Variants in UQCC1 observed in about 807,000 individuals in gnomAD.
UQCC1 encodes the protein ubiquinol-cytochrome c reductase complex assembly factor 1.
UQCC1 carries 38 observed loss-of-function variants against 48.0 expected under a neutral mutation model. The observed-to-expected ratio is 0.79, with a 90% CI of 0.61 to 1.04. The LOEUF (loss-of-function observed/expected upper bound fraction) is 1.04, where lower values mean the gene tolerates loss of function less well. Among genes scored for constraint, UQCC1 ranks in the 50% least tolerant of loss-of-function variants. UQCC1 has a pLI of 0.00. For missense variants in UQCC1, 368 were observed against 381.8 expected, an observed-to-expected ratio of 0.96 and a Z score of 0.30; for synonymous variants, 111 against 129.2, an observed-to-expected ratio of 0.86 and a Z score of 0.95.
chr20:35,351,644 T>C (rs1452192236), intron 6 of UQCC1, among the ~76,000 whole-genome samples: 1 of 152,226 alleles, frequency 6.6e-6, no homozygotes. Flanking sequence ...AGTGAGGTAA[T>C]GGAATTCTTC....
At chr20:35,381,011 A>C (rs763719185) in intron 4 of UQCC1, among the ~76,000 whole-genome samples, 1 of 152,182 alleles carries the variant, frequency 6.6e-6, no homozygotes, top group Non-Finnish European at 1.5e-5. Flanking sequence ...TCTAGGAGAT[A>C]AGTGGGCTGA....
intron 1 of UQCC1, among the ~76,000 whole-genome samples, chr20:35,401,495 C>T (rs1183410161): frequency 6.6e-6 from 1 of 152,158 alleles, no homozygotes; most frequent in Admixed American, 6.5e-5. Context: ...GGAACACACA[C>T]ATTGGCAGCT....
At chr20:35,310,382 C>A (rs2060976085) in intron 8 of UQCC1, among the ~76,000 whole-genome samples, 1 of 152,002 alleles carries the variant, frequency 6.6e-6, no homozygotes. Context: ...TGGTGGCTCA[C>A]GCCTGTAATC....
Position 35,397,986 on chromosome 20 carries a change from C to T in UQCC1, c.25-3790G>A, listed in dbSNP as rs1368796658. Among the ~76,000 whole-genome samples, 4 of 152,214 alleles carry T rather than the reference C, an allele frequency of 2.6e-5. No homozygotes were observed. The East Asian group carries it at 7.7e-4, about 29-fold the overall frequency. ...CATATATGAACTCATTTAAACTTCA[C>T]AATCACCACTCATGTAGGTATATCA... On this transcript the variant is annotated intron_variant, in intron 1 of 9. Transcript: ENST00000374385.
intron 4 of UQCC1, among the ~76,000 whole-genome samples, chr20:35,374,839 T>C (rs2061777841): frequency 6.6e-6 from 1 of 152,148 alleles, no homozygotes; most frequent in African/African-American, 2.4e-5. Flanking sequence ...CTTTTACTAT[T>C]CCCAAAGCAC....
chr20:35,327,124 C>T (rs1036790616), intron 7 of UQCC1, among the ~76,000 whole-genome samples: 1 of 152,228 alleles, frequency 6.6e-6, no homozygotes, highest in African/African-American at 2.4e-5. Flanking sequence ...CCTGACCCTT[C>T]ATCCAACAGC....
chr20:35,391,452 C>T (rs1050963967), intron 2 of UQCC1, among the ~76,000 whole-genome samples: 11 of 151,840 alleles, frequency 7.2e-5, no homozygotes, highest in African/African-American at 2.7e-4. Flanking sequence ...GGTGAAACCC[C>T]GTCTCTACTA....
intron 7 of UQCC1, among the ~76,000 whole-genome samples, chr20:35,317,083 C>G (rs561508332): frequency 5.5e-4 from 84 of 152,106 alleles, no homozygotes; most frequent in Non-Finnish European, 1.0e-3. Context: ...TTACAGGCAC[C>G]TGCCACCACA....
intron 4 of UQCC1, among the ~76,000 whole-genome samples, chr20:35,379,321 C>A (rs2061839063): frequency 6.6e-6 from 1 of 152,114 alleles, no homozygotes; most frequent in African/African-American, 2.4e-5. Flanking sequence ...TATTTTACTC[C>A]CTAATCAAAT....
intron 9 of UQCC1, 60 bp from the exon 10 acceptor site, chr20:35,304,129 G>A: frequency 6.2e-7 from 1 of 1,607,230 alleles, no homozygotes; most frequent in East Asian, 2.2e-5. Context: ...TGAGGAGCCA[G>A]CGTCAGGAAC....
At chr20:35,341,128 G>A (rs1401596780) in intron 7 of UQCC1, among the ~76,000 whole-genome samples, 4 of 150,124 alleles carry the variant, frequency 2.7e-5, no homozygotes, top group African/African-American at 9.9e-5. Context: ...GGCTGAGGCA[G>A]AAGAATCGCT....
chr20:35,364,786 G>A (rs1203760689), intron 6 of UQCC1, among the ~76,000 whole-genome samples: 1 of 152,216 alleles, frequency 6.6e-6, no homozygotes. Flanking sequence ...TCTGCTGTTA[G>A]TCAGGTATTG....
chr20:35,392,256 C>T (rs1417360423), intron 2 of UQCC1: 2 of 1,304,346 alleles, frequency 1.5e-6, no homozygotes, highest in African/African-American at 1.5e-5. Context: ...CATTCTGAAG[C>T]AGAAGTTTCC....
intron 6 of UQCC1, among the ~76,000 whole-genome samples, chr20:35,355,265 C>A (rs1250668205): frequency 6.6e-6 from 1 of 152,216 alleles, no homozygotes; most frequent in Non-Finnish European, 1.5e-5. Context: ...CCGCAAATCT[C>A]ATTACACATA....
At chr20:35,314,857 C>A in intron 7 of UQCC1, 92 bp from the exon 8 acceptor site, 1 of 973,380 alleles carries the variant, frequency 1.0e-6, no homozygotes. Flanking sequence ...GTCACAGACT[C>A]TTAGTAGAAG....
intron 7 of UQCC1, among the ~76,000 whole-genome samples, chr20:35,337,695 A>C (rs192792575): frequency 2.0e-5 from 3 of 152,326 alleles, no homozygotes; most frequent in Admixed American, 2.0e-4. Flanking sequence ...TTCTTTCCTA[A>C]GTAAGAGTGG....
At chr20:35,391,034 A>T (rs2062008239) in intron 2 of UQCC1, among the ~76,000 whole-genome samples, 1 of 151,864 alleles carries the variant, frequency 6.6e-6, no homozygotes, top group South Asian at 2.1e-4. Context: ...CTTCTCTACT[A>T]AAAATACAAA....
rs2060890175 is a variant in UQCC1, at chr20:35,303,309, T to A, written c.*626A>T. 1 of 152,522 alleles carries A rather than the reference T, an allele frequency of 6.6e-6. No individual in the cohort carries two copies. The highest frequency in any genetic ancestry group is 2.4e-5 in the African/African-American group (1 of 41,438). 9.4% of individuals were successfully genotyped at this position (152,522 alleles called of 1,614,324 possible). A position where few individuals can be genotyped will look rare whatever the true frequency, so the allele number is the denominator to read the frequency against. On this transcript the variant is annotated 3_prime_UTR_variant, in exon 10 of 10. Transcript: ENST00000374385. ...GTATCTTGGCCTGAACAGAGACACA[T>A]CTCCATGAACTAGAGGCAAGAGCAG...
chr20:35,406,403 G>A (rs2062251183), intron 1 of UQCC1, among the ~76,000 whole-genome samples: 1 of 152,204 alleles, frequency 6.6e-6, no homozygotes, highest in Non-Finnish European at 1.5e-5. Context: ...ATTAACAGTG[G>A]ATTTCTTCTC....
Sources: allele counts gnomAD v4.1 joint callset (sites outside exome capture counted in the v4.1 genomes callset), GRCh38; gene constraint gnomAD v4.1.1; transcripts MANE v1.5; gene names NCBI Gene and HGNC (gene_info 2026-07-23, HGNC 2026-07-21).